IP6K3: variants seen among roughly 807,000 people sequenced by gnomAD.
IP6K3 encodes inositol hexakisphosphate kinase 3.
In IP6K3, 20 loss-of-function variants were observed where a neutral mutation model predicts 28.8. The observed-to-expected ratio is 0.70, with a 90% confidence interval of 0.49 to 1.01. IP6K3 has a LOEUF of 1.01. IP6K3 is among the 50% of genes least tolerant of loss of function. IP6K3 has a pLI of 0.00. For missense variants in IP6K3, 480 were observed against 537.1 expected, an observed-to-expected ratio of 0.89 and a Z score of 1.05; for synonymous variants, 213 against 221.3, an observed-to-expected ratio of 0.96 and a Z score of 0.33.
chr6:33,737,128 C>T (rs1345520635), intron 1 of IP6K3, among the ~76,000 whole-genome samples: 1 of 152,188 alleles, frequency 6.6e-6, no homozygotes, highest in Non-Finnish European at 1.5e-5. Context: ...TGGCCCCCTC[C>T]TCCCCCTCCC....
In IP6K3 at chr6:33,728,192, G is replaced by A. The variant is rs778295599; in HGVS notation, c.308C>T (p.Ala103Val). 30 of 1,613,746 alleles carry A rather than the reference G, an allele frequency of 1.9e-5. No homozygotes were observed. Among genetic ancestry groups the A allele is most frequent in the African/African-American group, 2.7e-5 (2 of 74,936 alleles). Residue 103 changes from alanine to valine, a missense_variant, in exon 3 of 6, where the codon GCG becomes GTG. By Grantham distance (64) the Ala-to-Val change is moderately conservative (BLOSUM62 0). Coordinates refer to ENST00000293756, the MANE Select transcript of IP6K3 (RefSeq NM_054111.5). ...CTGGAGCGTCTGCCATATGGCCACC[G>A]CCGCCGACTCTGTGGAGACCTTGAA... ...EPFKVSTESA[A>V]VAIWQTLQQT...
At position 33,722,924 on chromosome 6, in the gene IP6K3, C is replaced by T. The variant is rs756972676; in HGVS notation, c.1029G>A (p.Pro343=). Residue 343 remains proline, a synonymous_variant, in exon 6 of 6, where the codon CCG becomes CCA. Transcript: ENST00000293756. Reference sequence around the variant, plus strand: ...CTGCCTGGGGAGCCTCGTGAGGATGCGGGCTGCCTGGGGCTCTTTCTGGTG... The same window carrying T: ...CTGCCTGGGGAGCCTCGTGAGGATGTGGGCTGCCTGGGGCTCTTTCTGGTG... ...QEPPERAPGS[P]HPHEAPQAAH... is the part of the protein sequence containing the mutation. The T allele has an allele frequency of 2.4e-5, 39 of 1,613,758 alleles. No homozygotes were observed. In the East Asian group the frequency reaches 2.7e-4, roughly 11 times the overall value.
chr6:33,751,596 G>A (rs1005408261), upstream of IP6K3, among the ~76,000 whole-genome samples: 1 of 151,784 alleles, frequency 6.6e-6, no homozygotes, highest in Non-Finnish European at 1.5e-5. The surrounding 1 kb of genome is among the most constrained non-coding windows in gnomAD (Gnocchi z 4.3). Flanking sequence ...GCAGGTTAGG[G>A]GCAGAGGGCC....
chr6:33,726,995 C>T (rs1766144642), intron 3 of IP6K3, 89 bp from the exon 4 acceptor site: 1 of 1,363,302 alleles, frequency 7.3e-7, no homozygotes, highest in Admixed American at 2.2e-5. Flanking sequence ...CTGAGATGGG[C>T]TCTGAAAGGG....
In IP6K3 at chr6:33,736,658, G is replaced by A. The variant is rs144438109; in HGVS notation, c.-179-1003C>T. On this transcript the variant is annotated intron_variant, in intron 1 of 5. Coordinates refer to ENST00000293756, the MANE Select transcript of IP6K3 (RefSeq NM_054111.5). ...TGACCTCAGGTGATCCACCCTCCTTGGCCTCCCAAAGTGCTGGGATTACAG... is the reference window on the plus strand; with the variant it reads ...TGACCTCAGGTGATCCACCCTCCTTAGCCTCCCAAAGTGCTGGGATTACAG... Among the ~76,000 whole-genome samples the A allele has an allele frequency of 2.8e-3, 424 of 152,174 alleles. 2 individuals carry two copies. The highest frequency in any genetic ancestry group is 9.3e-3 in the African/African-American group (384 of 41,512).
the IP6K3 span, among the ~76,000 whole-genome samples, chr6:33,752,798 C>T: frequency 6.6e-6 from 1 of 152,198 alleles, no homozygotes; most frequent in Non-Finnish European, 1.5e-5. Context: ...GCGTCTTAAC[C>T]TCACTGGGCC....
chr6:33,761,947 C>A, the IP6K3 span, among the ~76,000 whole-genome samples: 1 of 152,096 alleles, frequency 6.6e-6, no homozygotes, highest in Non-Finnish European at 1.5e-5. Flanking sequence ...TGCTGTGTGG[C>A]ACTCAGAAGG....
At chr6:33,741,368 G>A (rs1469169733) in intron 1 of IP6K3, among the ~76,000 whole-genome samples, 2 of 152,156 alleles carry the variant, frequency 1.3e-5, no homozygotes, top group South Asian at 4.1e-4. Flanking sequence ...TTTGCCTGGC[G>A]TGGTGGCTCA....
chr6:33,760,348 G>A, the IP6K3 span, among the ~76,000 whole-genome samples: 22 of 152,328 alleles, frequency 1.4e-4, no homozygotes, highest in Non-Finnish European at 2.4e-4. Context: ...TGACCTGAAG[G>A]GTGAGGGTGC....
At chr6:33,747,608 G>A (rs1450366622), upstream of IP6K3, among the ~76,000 whole-genome samples, 1 of 152,144 alleles carries the variant, frequency 6.6e-6, no homozygotes, top group Non-Finnish European at 1.5e-5. The surrounding 1 kb of genome is among the most constrained non-coding windows in gnomAD (Gnocchi z 5.2). Context: ...GGAGGGTGGT[G>A]AGAAGGGGGC....
chr6:33,733,679 C>T (rs1189927333), intron 2 of IP6K3, among the ~76,000 whole-genome samples: 2 of 152,258 alleles, frequency 1.3e-5, no homozygotes, highest in African/African-American at 4.8e-5. Context: ...CCAGGCAACA[C>T]CAGCCTGCGG....
At chr6:33,740,336 G>A (rs919301073) in intron 1 of IP6K3, among the ~76,000 whole-genome samples, 10 of 152,234 alleles carry the variant, frequency 6.6e-5, no homozygotes, top group African/African-American at 2.4e-4. Context: ...CCCTGTCGTT[G>A]CATCATGTCC....
chr6:33,722,618 C>A lies in IP6K3; in HGVS notation c.*102G>T. ...AGATGGTTTTTGAAGGTAGATAGGA[C>A]TATTATGAAGACATCTAAGGGGTGT... is the stretch of plus-strand genomic sequence containing the variant. On this transcript the variant is annotated 3_prime_UTR_variant, in exon 6 of 6. Coordinates refer to ENST00000293756, the MANE Select transcript of IP6K3 (RefSeq NM_054111.5). The A allele has an allele frequency of 1.3e-6, 1 of 745,612 alleles. No individual in the cohort carries two copies. The highest frequency in any genetic ancestry group is 1.8e-5 in the South Asian group (1 of 56,544). The allele number at this position is 745,612 out of a possible 1,614,324, so 46.2% of individuals were successfully genotyped here.
chr6:33,738,268 G>GGCCCCACACTAGCCAGACCTGGCAA (rs1300553773), intron 1 of IP6K3, among the ~76,000 whole-genome samples: 1 of 152,200 alleles, frequency 6.6e-6, no homozygotes, highest in African/African-American at 2.4e-5. Flanking sequence ...CCCCAGGGCT[G>GGCCCCACACTAGCCAGACCTGGCAA]GCCCCACACT....
At chr6:33,740,806 G>A (rs539899929) in intron 1 of IP6K3, among the ~76,000 whole-genome samples, 1 of 152,270 alleles carries the variant, frequency 6.6e-6, no homozygotes, top group Non-Finnish European at 1.5e-5. Flanking sequence ...TCTCTTTTAG[G>A]ACTCACACTC....
Position 33,723,141 on chromosome 6 carries a change from T to C in IP6K3, c.812A>G (p.Tyr271Cys). 1.9e-6 allele frequency: 3 copies of C among 1,612,670 alleles called. No individual in the cohort carries two copies. Among genetic ancestry groups the C allele is most frequent in the Non-Finnish European group, 2.5e-6 (3 of 1,179,334 alleles). Residue 271 changes from tyrosine to cysteine, a missense_variant, in exon 6 of 6, where the codon TAT becomes TGT. Transcript: ENST00000293756. The part of the protein sequence containing the change: ...KKYFLCKDKY[Y>C]GRKLSVEGFR... Reference sequence around the variant, plus strand: ...CCCCTCCACTGAGAGTTTTCTTCCATAGTACTTGTCTTTGCAGAGAAAGTA... The same window carrying C: ...CCCCTCCACTGAGAGTTTTCTTCCACAGTACTTGTCTTTGCAGAGAAAGTA...
At chr6:33,757,203 C>T in the IP6K3 span, among the ~76,000 whole-genome samples, 2 of 152,354 alleles carry the variant, frequency 1.3e-5, no homozygotes, top group Middle Eastern at 3.4e-3. Flanking sequence ...TCCCTCACCT[C>T]CCCACCTGCT....
chr6:33,734,219 AAAAAAAG>A (rs1766425301), intron 2 of IP6K3, among the ~76,000 whole-genome samples: 1 of 151,742 alleles, frequency 6.6e-6, no homozygotes, highest in East Asian at 1.9e-4. Context: ...AAAAAAAAAA[AAAAAAAG>A]AGAATTCCTG....
At chr6:33,726,640 T>G in intron 4 of IP6K3, 91 bp downstream of exon 4, 1 of 1,300,050 alleles carries the variant, frequency 7.7e-7, no homozygotes, top group Non-Finnish European at 1.1e-6. Flanking sequence ...GGCCCCGTGT[T>G]TGTGTGTGTT....
Sources: gnomAD v4.1 joint callset for allele counts (sites outside exome capture counted in the v4.1 genomes callset) on GRCh38, gnomAD v4.1.1 for gene constraint, Gnocchi (gnomAD v3.1) non-coding constraint, MANE v1.5 for transcripts, NCBI Gene and HGNC (gene_info 2026-07-23, HGNC 2026-07-21) for gene names.